The following ROS1 variants were observed in gnomAD, a reference collection of about 807,000 sequenced individuals.
ROS1 encodes proto-oncogene tyrosine-protein kinase ROS.
In ROS1, 263 loss-of-function variants were observed where a neutral mutation model predicts 273.5. The observed-to-expected ratio is 0.96, with a 90% CI of 0.87 to 1.06. ROS1 has a LOEUF of 1.06. ROS1 is among the 50% of genes least tolerant of loss of function. The pLI is 0.00. For missense variants in ROS1, 2,833 were observed against 2,751.1 expected, an observed-to-expected ratio of 1.03 and a Z score of -0.67; for synonymous variants, 1,008 against 954.1, an observed-to-expected ratio of 1.06 and a Z score of -1.04.
chr6:117,356,831 C>T lies in ROS1; in HGVS notation c.3924G>A (p.Leu1308=), dbSNP rs1244518997. Residue 1308 remains leucine (L), a synonymous_variant, in exon 26 of 44, where the codon CTG becomes CTA. Transcript: ENST00000368507. The part of the protein sequence containing the change: ...SIISHTLHRI[L]QPTATNQQNK... ...TTTGTTGGTTTGTAGCTGTGGGTTGCAGAATTCGGTGCAAGGTGTGACTGA... is the reference window on the plus strand; with the variant it reads ...TTTGTTGGTTTGTAGCTGTGGGTTGTAGAATTCGGTGCAAGGTGTGACTGA... 6.2e-7 allele frequency: 1 copy of T among 1,614,044 alleles called. No homozygotes were observed. Among genetic ancestry groups the T allele is most frequent in the East Asian group, 2.2e-5 (1 of 44,874 alleles).
intron 27 of ROS1, among the ~76,000 whole-genome samples, chr6:117,346,736 C>A (rs1180460058): frequency 1.3e-5 from 2 of 152,058 alleles, no homozygotes; most frequent in Non-Finnish European, 2.9e-5. Context: ...ATCAATGAGC[C>A]TACAATGACA....
intron 33 of ROS1, 42 bp downstream of exon 33, chr6:117,329,287 T>C (rs1037099975): frequency 1.1e-6 from 1 of 874,512 alleles, no homozygotes; most frequent in African/African-American, 1.7e-5. Flanking sequence ...AATTATCTTC[T>C]TAGTTCTTTG....
intron 26 of ROS1, among the ~76,000 whole-genome samples, chr6:117,354,710 G>A (rs1322534902): frequency 6.6e-6 from 1 of 152,098 alleles, no homozygotes; most frequent in Non-Finnish European, 1.5e-5. Context: ...ATGAAAAACT[G>A]ACCAGTTTTA....
At chr6:117,352,753 G>A (rs758419265) in intron 27 of ROS1, among the ~76,000 whole-genome samples, 24 of 152,158 alleles carry the variant, frequency 1.6e-4, no homozygotes, top group Non-Finnish European at 3.1e-4. Context: ...ACAACAGGAC[G>A]CAGGTTTCCC....
At chr6:117,294,743 A>T (rs140791871) in intron 43 of ROS1, among the ~76,000 whole-genome samples, 1 of 152,180 alleles carries the variant, frequency 6.6e-6, no homozygotes, top group Admixed American at 6.5e-5. Context: ...ACCTAGGAAT[A>T]TATTAACCAA....
chr6:117,372,507 C>A (rs535019459), intron 18 of ROS1, among the ~76,000 whole-genome samples: 2 of 152,116 alleles, frequency 1.3e-5, no homozygotes, highest in Non-Finnish European at 2.9e-5. Flanking sequence ...TCGTGGTGAG[C>A]GTTACAGTTC....
At position 117,404,367 on chromosome 6, in the gene ROS1, TA is replaced by T. The variant is rs770644171; in HGVS notation, c.377del (p.Leu126TyrfsTer11). 1.2e-5 allele frequency: 19 copies of T among 1,613,802 alleles called. No individual in the cohort carries two copies. Among genetic ancestry groups the T allele is most frequent in the Non-Finnish European group, 1.4e-5 (17 of 1,179,818 alleles). ...ASSIGSHNMT[L>X]RWKSANFSGV... ...CAGAGAAGTTTGCAGATTTCCATCG[TA>T]ATGTCATATTGTGGCTTCCAATGGA... On this transcript the variant is annotated frameshift_variant, in exon 6 of 44. Coordinates refer to ENST00000368507, the MANE Select transcript of ROS1 (RefSeq NM_001378902.1). LOFTEE classifies it high-confidence loss of function.
intron 17 of ROS1, among the ~76,000 whole-genome samples, chr6:117,382,126 A>C (rs942708367): frequency 6.6e-6 from 1 of 152,162 alleles, no homozygotes; most frequent in African/African-American, 2.4e-5. Context: ...TTCCCTAACA[A>C]TTATATTTTT....
At chr6:117,320,110 G>T in intron 36 of ROS1, 80 bp from the exon 37 acceptor site, 2 of 1,227,662 alleles carry the variant, frequency 1.6e-6, no homozygotes, top group Non-Finnish European at 2.3e-6. Flanking sequence ...TGGTATTTGT[G>T]TTTGAGAGAG....
intron 31 of ROS1, among the ~76,000 whole-genome samples, chr6:117,340,472 A>G (rs1482498236): frequency 2.0e-5 from 3 of 152,200 alleles, no homozygotes; most frequent in Non-Finnish European, 4.4e-5. Context: ...AAACATGCAC[A>G]TGCACATATA....
chr6:117,350,463 A>G (rs1249591622), intron 27 of ROS1, among the ~76,000 whole-genome samples: 1 of 151,882 alleles, frequency 6.6e-6, no homozygotes, highest in Non-Finnish European at 1.5e-5. Context: ...GGCCTAGTGT[A>G]GATTTTGGCA....
chr6:117,289,169 A>C (rs1773645310), intron 43 of ROS1, among the ~76,000 whole-genome samples: 1 of 152,216 alleles, frequency 6.6e-6, no homozygotes, highest in Non-Finnish European at 1.5e-5. Context: ...ATTGGCCCTT[A>C]GAGGGCCCTT....
At chr6:117,362,979 GC>G in intron 21 of ROS1, 114 bp from the exon 22 acceptor site, 1 of 891,074 alleles carries the variant, frequency 1.1e-6, no homozygotes. Flanking sequence ...CTCATTCCAG[GC>G]AGTTGCAGTA....
chr6:117,383,541 CTTT>C, intron 16 of ROS1, 33 bp from the exon 17 acceptor site: 2 of 1,457,030 alleles, frequency 1.4e-6, no homozygotes, highest in Non-Finnish European at 1.9e-6. Flanking sequence ...CAGTTAATGG[CTTT>C]CAAGTGACAT....
chr6:117,358,887 A>G lies in ROS1; in HGVS notation c.3634-878T>C, dbSNP rs376466377. ...CAGCCTCCTAATTGTCTCAGACTTAACCCTCTCTAAGTCACTATTCACACT... is the reference window on the plus strand; with the variant it reads ...CAGCCTCCTAATTGTCTCAGACTTAGCCCTCTCTAAGTCACTATTCACACT... On this transcript the variant is annotated intron_variant, in intron 24 of 43. Coordinates refer to ENST00000368507, the MANE Select transcript of ROS1 (RefSeq NM_001378902.1). Among the ~76,000 whole-genome samples the G allele has an allele frequency of 1.2e-4, 18 of 152,204 alleles. 1 individual carries two copies. In the East Asian group the frequency reaches 2.9e-3, roughly 24 times the overall value.
intron 7 of ROS1, among the ~76,000 whole-genome samples, chr6:117,398,940 T>C (rs1423210757): frequency 1.2e-4 from 18 of 147,804 alleles, no homozygotes; most frequent in African/African-American, 4.5e-4. Flanking sequence ...GCTACTGTAC[T>C]CCAGCCTGGG....
chr6:117,423,025 C>CAA (rs372602303), intron 1 of ROS1, among the ~76,000 whole-genome samples: 314 of 143,068 alleles, frequency 2.2e-3, no homozygotes, highest in African/African-American at 7.8e-3. Context: ...TTTGTTAATT[C>CAA]AAAAAAAAAA....
intron 15 of ROS1, 68 bp downstream of exon 15, chr6:117,386,821 T>C (rs1772617282): frequency 6.6e-6 from 5 of 760,366 alleles, no homozygotes; most frequent in East Asian, 2.5e-5. Flanking sequence ...TTTTGATTCA[T>C]TGAATGATGT....
intron 11 of ROS1, among the ~76,000 whole-genome samples, 200 bp downstream of exon 11, chr6:117,393,962 C>T (rs2128712241): frequency 6.6e-6 from 1 of 152,254 alleles, no homozygotes; most frequent in East Asian, 1.9e-4. Context: ...TGATTTAATG[C>T]TATGTCAGGA....
Sources: allele counts gnomAD v4.1 joint callset (sites outside exome capture counted in the v4.1 genomes callset), GRCh38; gene constraint gnomAD v4.1.1; transcripts MANE v1.5; gene names NCBI Gene and HGNC (gene_info 2026-07-23, HGNC 2026-07-21).